SEMA3E: variants seen among roughly 807,000 people sequenced by gnomAD.
SEMA3E encodes the protein semaphorin 3E.
In SEMA3E, 49 loss-of-function variants were observed where a neutral mutation model predicts 93.6. That is an observed-to-expected ratio of 0.52 (90% CI 0.42 to 0.66). SEMA3E has a LOEUF of 0.66. Among genes scored for constraint, SEMA3E ranks in the 30% least tolerant of loss-of-function variants. The pLI is 0.00. For synonymous variants in SEMA3E, 363 were observed against 330.7 expected, an observed-to-expected ratio of 1.10 and a Z score of -1.06; for missense variants, 906 against 964.8, an observed-to-expected ratio of 0.94 and a Z score of 0.81.
intron 1 of SEMA3E, among the ~76,000 whole-genome samples, chr7:83,525,093 C>T (rs528076972): frequency 2.6e-5 from 4 of 152,084 alleles, no homozygotes; most frequent in African/African-American, 7.2e-5. Context: ...ATGTCTGAAC[C>T]GTGTTTATTC....
At chr7:83,431,531 G>A (rs1026807356) in intron 4 of SEMA3E, among the ~76,000 whole-genome samples, 1 of 152,034 alleles carries the variant, frequency 6.6e-6, no homozygotes, top group African/African-American at 2.4e-5. Context: ...TCAGCCTCTC[G>A]TCACTAGGAT....
intron 1 of SEMA3E, among the ~76,000 whole-genome samples, chr7:83,616,010 T>C (rs62475070): frequency 6.6e-6 from 1 of 150,922 alleles, no homozygotes; most frequent in Admixed American, 6.6e-5. Flanking sequence ...AAAAAAACAT[T>C]GGTAAATTGT....
At chr7:83,427,362 C>T (rs552283365) in intron 4 of SEMA3E, among the ~76,000 whole-genome samples, 238 of 152,172 alleles carry the variant, frequency 1.6e-3, no homozygotes, top group African/African-American at 4.3e-3. Context: ...AGAGCTGAGG[C>T]TTTCTTTCCC....
chr7:83,447,099 A>T (rs1018295954), intron 4 of SEMA3E, among the ~76,000 whole-genome samples: 2 of 152,222 alleles, frequency 1.3e-5, no homozygotes, highest in African/African-American at 4.8e-5. Flanking sequence ...TTGGACTAGG[A>T]TGAGAGAACA....
At chr7:83,555,209 T>C (rs1562830878) in intron 1 of SEMA3E, among the ~76,000 whole-genome samples, 1 of 152,142 alleles carries the variant, frequency 6.6e-6, no homozygotes, top group Non-Finnish European at 1.5e-5. Context: ...ACCTGAGATA[T>C]AGAAGTAAAT....
chr7:83,511,125 T>C (rs1306255954), intron 1 of SEMA3E, among the ~76,000 whole-genome samples: 1 of 152,132 alleles, frequency 6.6e-6, no homozygotes. Context: ...GTGGTTCCTG[T>C]AGTCTGTAGG....
At chr7:83,552,063 T>C (rs1438237995) in intron 1 of SEMA3E, among the ~76,000 whole-genome samples, 2 of 152,148 alleles carry the variant, frequency 1.3e-5, no homozygotes, top group African/African-American at 4.8e-5. Flanking sequence ...TGCCCTACCA[T>C]AGTTCTGACC....
intron 3 of SEMA3E, among the ~76,000 whole-genome samples, chr7:83,467,149 C>T (rs1014356358): frequency 3.3e-5 from 5 of 149,806 alleles, no homozygotes; most frequent in East Asian, 2.0e-4. Flanking sequence ...ACTGCAGCCT[C>T]GCATTCCCAG....
chr7:83,374,612 G>C (rs888904139), intron 16 of SEMA3E, among the ~76,000 whole-genome samples: 2 of 152,080 alleles, frequency 1.3e-5, no homozygotes, highest in African/African-American at 4.8e-5. Flanking sequence ...ATGAAATAGA[G>C]ACACAAACAG....
chr7:83,459,428 C>T (rs887541932), intron 4 of SEMA3E, among the ~76,000 whole-genome samples: 2 of 152,162 alleles, frequency 1.3e-5, no homozygotes, highest in African/African-American at 4.8e-5. Flanking sequence ...ATTTGCATCA[C>T]AAGAGGTAAA....
At chr7:83,646,749 T>A (rs1271613717) in intron 1 of SEMA3E, among the ~76,000 whole-genome samples, 1 of 152,096 alleles carries the variant, frequency 6.6e-6, no homozygotes, top group African/African-American at 2.4e-5. Context: ...TTTACTTGTA[T>A]CAGAGAACTT....
At chr7:83,405,667 T>C (rs1788315830) in intron 8 of SEMA3E, 148 bp from the exon 9 acceptor site, 1 of 770,530 alleles carries the variant, frequency 1.3e-6, no homozygotes, top group Admixed American at 2.0e-5. Flanking sequence ...GACCAAGTCA[T>C]AACAGAGCTA....
chr7:83,433,342 T>G lies in SEMA3E; in HGVS notation c.457-14859A>C, dbSNP rs6975082. On this transcript the variant is annotated intron_variant, in intron 4 of 16. Transcript: ENST00000643230. ...TGAGTGTCTTATTGAGGTTTATATT[T>G]CATAGCATGTTCCCAGTGAATCACC... 4.0e-3 allele frequency among the ~76,000 whole-genome samples: 615 copies of G among 152,272 alleles called. 7 individuals are homozygous for G. Among genetic ancestry groups the G allele is most frequent in the African/African-American group, 0.014 (590 of 41,568 alleles).
intron 2 of SEMA3E, among the ~76,000 whole-genome samples, chr7:83,486,199 A>G (rs895879659): frequency 6.6e-6 from 1 of 152,072 alleles, no homozygotes; most frequent in African/African-American, 2.4e-5. Context: ...GAGGGTCTGA[A>G]TCTTGTTTAT....
intron 16 of SEMA3E, among the ~76,000 whole-genome samples, chr7:83,374,438 T>A (rs936758697): frequency 6.6e-6 from 1 of 152,062 alleles, no homozygotes; most frequent in African/African-American, 2.4e-5. Context: ...CAAATAATAA[T>A]GCAGAAACTT....
chr7:83,506,838 A>T (rs1366821085), intron 1 of SEMA3E, among the ~76,000 whole-genome samples: 1 of 152,224 alleles, frequency 6.6e-6, no homozygotes, highest in East Asian at 1.9e-4. Context: ...AGACACTTTT[A>T]TACGATAAGT....
chr7:83,525,521 T>C (rs747775523), intron 1 of SEMA3E, among the ~76,000 whole-genome samples: 2 of 136,258 alleles, frequency 1.5e-5, no homozygotes, highest in African/African-American at 2.5e-5. Flanking sequence ...TCAGATTTTC[T>C]TGTTTTCTCA....
intron 16 of SEMA3E, among the ~76,000 whole-genome samples, chr7:83,384,326 CA>C (rs1787838086): frequency 6.6e-6 from 1 of 151,988 alleles, no homozygotes; most frequent in Non-Finnish European, 1.5e-5. Flanking sequence ...TGAAGCCTTC[CA>C]TTGATTCACT....
intron 1 of SEMA3E, among the ~76,000 whole-genome samples, chr7:83,560,337 A>G (rs1792004998): frequency 6.6e-6 from 1 of 151,978 alleles, no homozygotes; most frequent in Admixed American, 6.6e-5. Context: ...TATATGAGAA[A>G]TCTCCATATC....
Sources: gnomAD v4.1 joint callset for allele counts (sites outside exome capture counted in the v4.1 genomes callset) on GRCh38, gnomAD v4.1.1 for gene constraint, MANE v1.5 for transcripts, NCBI Gene and HGNC (gene_info 2026-07-23, HGNC 2026-07-21) for gene names.